NR4A3: variants seen among roughly 807,000 people sequenced by gnomAD.
NR4A3 encodes nuclear receptor subfamily 4 group A member 3, also known as chondrosarcoma, extraskeletal myxoid, fused to EWS.
In NR4A3, 13 loss-of-function variants were observed where a neutral mutation model predicts 55.6. The observed-to-expected ratio is 0.23, with a 90% CI of 0.15 to 0.37. The LOEUF is 0.37. Among genes scored for constraint, NR4A3 ranks in the 10% least tolerant of loss-of-function variants. NR4A3 has a pLI of 1.00. For synonymous variants in NR4A3, 342 were observed against 357.9 expected (o/e 0.96, Z 0.50); for missense variants, 646 against 822.8 (o/e 0.79, Z 2.63).
chr9:99,855,576 C>T (rs1019838526), intron 7 of NR4A3, among the ~76,000 whole-genome samples: 12 of 152,190 alleles, frequency 7.9e-5, no homozygotes, highest in African/African-American at 2.4e-4. Flanking sequence ...AAATCAAAGA[C>T]GGTCAGACTG....
rs201109859 is a variant in NR4A3 at position 99,828,464 on chromosome 9, C to G, written c.422C>G (p.Ser141Cys). The change falls in exon 3 of 8, where the codon TCC becomes TGC. Residue 141 changes from serine to cysteine, a missense_variant. This residue lies in a region of NR4A3 where 426 missense variants were observed against 429.4 expected (regional missense o/e 0.99). Transcript: ENST00000395097. This position sits in a 1 kb window ranked among gnomAD's most constrained non-coding sequence, Gnocchi z 7.7. ...TSMYFKQSPP[S>C]TPTTPAFPPQ... ...ATGTACTTCAAGCAGTCCCCACCGT[C>G]CACCCCCACCACGCCGGCCTTCCCC... is the stretch of plus-strand genomic sequence containing the variant. 2.1e-4 allele frequency: 328 copies of G among 1,575,378 alleles called. No homozygotes were observed. The highest frequency in any genetic ancestry group is 2.4e-4 in the Non-Finnish European group (275 of 1,162,230).
intron 7 of NR4A3, among the ~76,000 whole-genome samples, chr9:99,861,023 G>A (rs1174408010): frequency 1.3e-5 from 2 of 152,136 alleles, no homozygotes; most frequent in South Asian, 2.1e-4. Context: ...CAATAATTCC[G>A]ATTTTCCTGT....
chr9:99,863,136 A>G (rs1828037025), intron 7 of NR4A3, among the ~76,000 whole-genome samples: 1 of 152,234 alleles, frequency 6.6e-6, no homozygotes, highest in Non-Finnish European at 1.5e-5. Context: ...TGAGTCTGTC[A>G]AGATAGAAAC....
chr9:99,863,983 C>T lies in NR4A3; in HGVS notation c.*116C>T, dbSNP rs187750944. The T allele has an allele frequency of 1.5e-5, 18 of 1,240,736 alleles. No homozygotes were observed. The African/African-American group carries it at 2.7e-4, about 19-fold the overall frequency. 76.9% of individuals were successfully genotyped at this position (1,240,736 alleles called of 1,614,324 possible). A position where few individuals can be genotyped will look rare whatever the true frequency, so the allele number is the denominator to read the frequency against. ...TCCTTCCTTAAGAGGAAAAGCAGCT[C>T]CTGTAGAAAGCAAAGACTTTCTTTT... On this transcript the variant is annotated 3_prime_UTR_variant, in exon 8 of 8. Transcript: ENST00000395097.
chr9:99,826,674 T>G, intron 2 of NR4A3: 1 of 1,065,370 alleles, frequency 9.4e-7, no homozygotes, highest in Non-Finnish European at 1.5e-6. Flanking sequence ...TTTAAGGCCC[T>G]GCTTGTTAAA....
At chr9:99,841,083 T>TG (rs1054755400) in intron 5 of NR4A3, among the ~76,000 whole-genome samples, 1 of 151,896 alleles carries the variant, frequency 6.6e-6, no homozygotes, top group African/African-American at 2.4e-5. Context: ...ATACAAAAAT[T>TG]AGCTGGGCAT....
At chr9:99,843,082 G>C (rs1185958466) in intron 5 of NR4A3, among the ~76,000 whole-genome samples, 1 of 152,186 alleles carries the variant, frequency 6.6e-6, no homozygotes, top group African/African-American at 2.4e-5. Flanking sequence ...GCTTGCAGCA[G>C]AAAAGTCTTT....
intron 5 of NR4A3, among the ~76,000 whole-genome samples, chr9:99,838,568 C>T (rs576090548): frequency 1.7e-4 from 26 of 152,234 alleles, no homozygotes; most frequent in Non-Finnish European, 3.2e-4. Context: ...AGAGATTAAG[C>T]TAAATTCATT....
chr9:99,823,741 C>A (rs1302014196), intron 1 of NR4A3, among the ~76,000 whole-genome samples: 4 of 151,060 alleles, frequency 2.6e-5, no homozygotes, highest in Non-Finnish European at 5.9e-5. Flanking sequence ...CCGCCCCCCA[C>A]CCCCCGGCAC....
chr9:99,843,691 G>T (rs1051437190), intron 5 of NR4A3, among the ~76,000 whole-genome samples: 9 of 145,024 alleles, frequency 6.2e-5, no homozygotes, highest in East Asian at 2.0e-4. Flanking sequence ...ATTTTTTTTT[G>T]ATGTTTGCTG....
chr9:99,853,050 GA>G (rs1445350838), intron 7 of NR4A3, among the ~76,000 whole-genome samples: 1 of 152,194 alleles, frequency 6.6e-6, no homozygotes, highest in Non-Finnish European at 1.5e-5. Context: ...TCTTCACCCT[GA>G]AATGTGCTGT....
At chr9:99,848,070 C>A (rs752005611) in intron 7 of NR4A3, among the ~76,000 whole-genome samples, 1 of 152,130 alleles carries the variant, frequency 6.6e-6, no homozygotes, top group Non-Finnish European at 1.5e-5. Flanking sequence ...ACACATTTGT[C>A]CTGTTTTGTA....
chr9:99,828,695 C>G lies in NR4A3; in HGVS notation c.653C>G (p.Ala218Gly). Residue 218 changes from alanine (A) to glycine (G), a missense_variant, in exon 3 of 8, where the codon GCT (alanine) becomes GGT (glycine). Transcript: ENST00000395097. This position sits in a 1 kb window ranked among gnomAD's most constrained non-coding sequence, Gnocchi z 7.7. The part of the protein sequence containing the change: ...GHHLGYDPTA[A>G]AALSLPLGAA... ...CACCTCGGCTACGACCCGACGGCCG[C>G]TGCCGCGCTCAGCCTGCCGCTGGGA... is the stretch of plus-strand genomic sequence containing the variant. The G allele has an allele frequency of 7.5e-7, 1 of 1,330,992 alleles. No individual in the cohort carries two copies. The highest frequency in any genetic ancestry group is 9.5e-7 in the Non-Finnish European group (1 of 1,047,958). 82.4% of individuals were successfully genotyped at this position (1,330,992 alleles called of 1,614,324 possible).
chr9:99,848,805 G>A (rs762137667), intron 7 of NR4A3, among the ~76,000 whole-genome samples: 21 of 152,218 alleles, frequency 1.4e-4, no homozygotes, highest in Non-Finnish European at 3.1e-4. Context: ...TCATCTCCCT[G>A]TGGCCATGGA....
At chr9:99,848,502 G>A (rs149392913) in intron 7 of NR4A3, among the ~76,000 whole-genome samples, 1 of 151,952 alleles carries the variant, frequency 6.6e-6, no homozygotes, top group Admixed American at 6.6e-5. Context: ...CTGCCACCAT[G>A]CCCGGCTAAT....
In NR4A3 at chr9:99,828,700, G is replaced by A. The variant is rs1827370904; in HGVS notation, c.658G>A (p.Ala220Thr). The change falls in exon 3 of 8, where the codon GCG becomes ACG. Residue 220 changes from alanine to threonine, a missense_variant. Physicochemically the swap from Ala to Thr is moderately conservative, Grantham distance 58. Around this residue, in one of 5 missense-constraint regions of NR4A3, gnomAD observed 426 missense variants for 429.4 expected, o/e 0.99. Transcript: ENST00000395097. The surrounding 1 kb of genome is among the most constrained non-coding windows in gnomAD (Gnocchi z 7.7). ...CGGCTACGACCCGACGGCCGCTGCCGCGCTCAGCCTGCCGCTGGGAGCCGC... is the reference window on the plus strand; with the variant it reads ...CGGCTACGACCCGACGGCCGCTGCCACGCTCAGCCTGCCGCTGGGAGCCGC... ...HLGYDPTAAA[A>T]LSLPLGAAAA... 2.3e-6 allele frequency: 3 copies of A among 1,319,416 alleles called. No homozygotes were observed. The highest frequency in any genetic ancestry group is 1.5e-5 in the African/African-American group (1 of 64,518). 81.7% of individuals were successfully genotyped at this position (1,319,416 alleles called of 1,614,324 possible). A position where few individuals can be genotyped will look rare whatever the true frequency, so the allele number is the denominator to read the frequency against.
chr9:99,841,682 A>G (rs1247370849), intron 5 of NR4A3, among the ~76,000 whole-genome samples: 1 of 152,256 alleles, frequency 6.6e-6, no homozygotes, highest in Non-Finnish European at 1.5e-5. Flanking sequence ...AGGGAGGTCC[A>G]GCCAGGTGGA....
intron 7 of NR4A3, 143 bp downstream of exon 7, chr9:99,847,758 T>A: frequency 1.3e-6 from 1 of 752,144 alleles, no homozygotes; most frequent in Non-Finnish European, 2.1e-6. Context: ...TAACCTAGTT[T>A]AAGCAAAGAA....
At position 99,825,864 on chromosome 9, in the gene NR4A3, C is replaced by T. The variant is rs773377682; in HGVS notation, c.-3+32C>T. 3.4e-5 allele frequency: 6 copies of T among 177,906 alleles called. No homozygotes were observed. The highest frequency in any genetic ancestry group is 7.3e-5 in the Non-Finnish European group (6 of 82,622). 11.0% of individuals were successfully genotyped at this position (177,906 alleles called of 1,614,324 possible). The stretch of plus-strand genomic sequence containing the variant: ...CCGAAGGCAAGACCCTTTTCTCCTC[C>T]CTGGCTGAGGGAAGTGGGTGGGGGA... On this transcript the variant is annotated intron_variant, in intron 2 of 7. Coordinates refer to ENST00000395097, the MANE Select transcript of NR4A3 (RefSeq NM_006981.4). The surrounding 1 kb of genome is among the most constrained non-coding windows in gnomAD (Gnocchi z 5.0).
Sources: gnomAD v4.1 joint callset for allele counts (sites outside exome capture counted in the v4.1 genomes callset) on GRCh38, gnomAD v4.1.1 for gene constraint, gnomAD v4.1.1 regional missense constraint, Gnocchi (gnomAD v3.1) non-coding constraint, MANE v1.5 for transcripts, NCBI Gene and HGNC (gene_info 2026-07-23, HGNC 2026-07-21) for gene names.